Variants in ACBD6 observed in about 807,000 individuals in gnomAD.
ACBD6 encodes acyl-CoA binding domain containing 6, also known as acyl-CoA-binding domain-containing protein 6.
Under a neutral mutation model 37.2 loss-of-function variants are expected in ACBD6, and 28 were observed. The observed-to-expected ratio is 0.75, with a 90% CI of 0.56 to 1.03. ACBD6 has a LOEUF of 1.03. ACBD6 is among the 50% of genes least tolerant of loss of function. The probability of loss-of-function intolerance (pLI) is 0.00; values close to 1 mark genes in which losing one functional copy is unlikely to be tolerated. For synonymous variants in ACBD6, 113 were observed against 126.8 expected (o/e 0.89, Z 0.73); for missense variants, 340 against 337.4 (o/e 1.01, Z -0.06).
rs1648152741 is a variant in ACBD6 at position 180,417,610 on chromosome 1, TG to T, written c.468-4140del. Among the ~76,000 whole-genome samples, 11 of 152,218 alleles carry T rather than the reference TG, an allele frequency of 7.2e-5. No homozygotes were observed. In the South Asian group the frequency reaches 2.3e-3, roughly 32 times the overall value. On this transcript the variant is annotated intron_variant, in intron 4 of 7. Transcript: ENST00000367595. ...AATCACTACAAAGACATAGTCCCTT[TG>T]GTAAGCAAACAAGCATTTTAGTTTA...
At chr1:180,448,976 T>C (rs1649587368) in intron 3 of ACBD6, among the ~76,000 whole-genome samples, 1 of 152,232 alleles carries the variant, frequency 6.6e-6, no homozygotes, top group Non-Finnish European at 1.5e-5. Context: ...TCAAAAACTA[T>C]GCTACAGCCA....
intron 6 of ACBD6, among the ~76,000 whole-genome samples, chr1:180,317,905 G>A (rs775521938): frequency 5.3e-5 from 8 of 152,106 alleles, no homozygotes; most frequent in East Asian, 1.9e-4. Context: ...GGCCTGGAGC[G>A]GTGGCTCATG....
At chr1:180,413,929 C>T (rs1014060276) in intron 4 of ACBD6, among the ~76,000 whole-genome samples, 8 of 151,996 alleles carry the variant, frequency 5.3e-5, no homozygotes, top group African/African-American at 1.4e-4. Context: ...AAAAAACAGG[C>T]AAAAAGGAGA....
chr1:180,387,670 C>G (rs1366516313), intron 6 of ACBD6, among the ~76,000 whole-genome samples: 1 of 152,174 alleles, frequency 6.6e-6, no homozygotes, highest in African/African-American at 2.4e-5. Flanking sequence ...GTAGGCTTCC[C>G]TTTCAGCCTC....
chr1:180,291,421 G>A (rs1649702673), intron 7 of ACBD6, among the ~76,000 whole-genome samples: 2 of 152,120 alleles, frequency 1.3e-5, no homozygotes, highest in African/African-American at 2.4e-5. Context: ...TTAGGTCTAT[G>A]GTGGCTTTTC....
At chr1:180,297,368 G>T (rs1376349210) in intron 7 of ACBD6, among the ~76,000 whole-genome samples, 1 of 152,174 alleles carries the variant, frequency 6.6e-6, no homozygotes, top group Non-Finnish European at 1.5e-5. Context: ...GCTTCTAAGT[G>T]AATCAAAGTG....
chr1:180,431,372 G>A (rs545786759), intron 3 of ACBD6, among the ~76,000 whole-genome samples: 15 of 148,634 alleles, frequency 1.0e-4, no homozygotes, highest in Non-Finnish European at 2.2e-4. Flanking sequence ...CTATTAACAT[G>A]ATTAAATGAC....
chr1:180,270,047 C>T (rs533791335), exon 14 of ACBD6: 8 of 152,390 alleles, frequency 5.2e-5, no homozygotes, highest in Admixed American at 4.6e-4. Context: ...TGCTTCATTC[C>T]TCTAGTGCCT....
intron 6 of ACBD6, among the ~76,000 whole-genome samples, chr1:180,327,210 T>A (rs1365288287): frequency 6.6e-6 from 1 of 152,216 alleles, no homozygotes; most frequent in Non-Finnish European, 1.5e-5. Context: ...GGATGGACGA[T>A]TACCCTCTGG....
chr1:180,395,546 C>G (rs1046186185), intron 6 of ACBD6, among the ~76,000 whole-genome samples: 3 of 151,986 alleles, frequency 2.0e-5, no homozygotes, highest in African/African-American at 7.3e-5. Context: ...CACTTCTATT[C>G]AACCTAGTAC....
At chr1:180,446,798 T>C (rs1377041275) in intron 3 of ACBD6, among the ~76,000 whole-genome samples, 1 of 152,160 alleles carries the variant, frequency 6.6e-6, no homozygotes, top group Non-Finnish European at 1.5e-5. Flanking sequence ...CCTAGCACTT[T>C]GGGAGGCAGA....
intron 6 of ACBD6, among the ~76,000 whole-genome samples, chr1:180,335,446 C>T (rs552779688): frequency 0.02 from 2,998 of 152,184 alleles, 98 homozygotes; most frequent in African/African-American, 0.067. Flanking sequence ...AAATCCTTTA[C>T]AGACAAGCAA....
intron 6 of ACBD6, among the ~76,000 whole-genome samples, chr1:180,357,295 C>T (rs1489932722): frequency 6.6e-6 from 1 of 152,114 alleles, no homozygotes; most frequent in African/African-American, 2.4e-5. Flanking sequence ...AATGACCTGC[C>T]CCCAAATGAT....
chr1:180,386,097 G>A (rs766038284), intron 6 of ACBD6, among the ~76,000 whole-genome samples: 2 of 152,162 alleles, frequency 1.3e-5, no homozygotes, highest in African/African-American at 2.4e-5. Flanking sequence ...TTGAACCCAA[G>A]TGGCAGAGGT....
chr1:180,343,945 CTTTCTTG>C (rs1652079209), intron 6 of ACBD6, among the ~76,000 whole-genome samples: 1 of 4,482 alleles, frequency 2.2e-4, no homozygotes, highest in Non-Finnish European at 2.6e-3. Flanking sequence ...ATATAGTTGG[CTTTCTTG>C]ATTTTTGGCA....
chr1:180,329,289 G>A (rs1168235772), intron 6 of ACBD6, among the ~76,000 whole-genome samples: 2 of 152,152 alleles, frequency 1.3e-5, no homozygotes, highest in East Asian at 3.8e-4. Flanking sequence ...TTCACCAAAT[G>A]GACCCAGACT....
chr1:180,371,895 G>A (rs1243948219), intron 6 of ACBD6, among the ~76,000 whole-genome samples: 1 of 152,260 alleles, frequency 6.6e-6, no homozygotes, highest in East Asian at 1.9e-4. Context: ...GACTAGTGAA[G>A]TATCAACAGG....
At chr1:180,388,175 CAAA>C (rs34156282) in intron 6 of ACBD6, among the ~76,000 whole-genome samples, 10 of 111,168 alleles carry the variant, frequency 9.0e-5, no homozygotes, top group Admixed American at 9.1e-5. Flanking sequence ...GACTCCGTCT[CAAA>C]AAAAAAAAAA....
At chr1:180,346,470 G>A (rs1215222692) in intron 6 of ACBD6, among the ~76,000 whole-genome samples, 6 of 152,098 alleles carry the variant, frequency 3.9e-5, no homozygotes, top group Non-Finnish European at 8.8e-5. Context: ...CTTTCATGAT[G>A]GAGGGCAGAG....
Sources: gnomAD v4.1 joint callset for allele counts (sites outside exome capture counted in the v4.1 genomes callset) on GRCh38, gnomAD v4.1.1 for gene constraint, MANE v1.5 for transcripts, NCBI Gene and HGNC (gene_info 2026-07-23, HGNC 2026-07-21) for gene names.